Variants in MALRD1 observed in about 807,000 individuals in gnomAD.
The protein encoded by MALRD1 is MAM and LDL receptor class A domain containing 1.
In MALRD1, 247 loss-of-function variants were observed where a neutral mutation model predicts 242.1. That is an observed-to-expected ratio of 1.02 (90% CI 0.92 to 1.13). MALRD1 has a LOEUF of 1.13. MALRD1 is among the 50% of genes most tolerant of loss of function. The pLI is 0.00. For missense variants in MALRD1, 2,989 were observed against 2,533.1 expected (o/e 1.18, Z -3.86); for synonymous variants, 995 against 866.6 (o/e 1.15, Z -2.60).
rs188500759 is a variant in MALRD1 at position 19,266,121 on chromosome 10, C to T, written c.3079+8350C>T. 4.7e-5 allele frequency among the ~76,000 whole-genome samples: 7 copies of T among 149,354 alleles called. No individual in the cohort carries two copies. In the East Asian group the frequency reaches 1.2e-3, roughly 25 times the overall value. ...GTGTCCTCAAAGTGGAAGTGAGACT[C>T]TTGTATGCAGCACATTATTGGATAT... is the stretch of plus-strand genomic sequence containing the variant. On this transcript the variant is annotated intron_variant, in intron 19 of 39. Coordinates refer to ENST00000454679, the MANE Select transcript of MALRD1 (RefSeq NM_001142308.3).
intron 5 of MALRD1, 142 bp downstream of exon 5, chr10:19,104,217 A>G: frequency 2.2e-6 from 1 of 445,772 alleles, no homozygotes; most frequent in East Asian, 3.6e-5. Context: ...ACATTGTATA[A>G]CAGTGACTGG....
At chr10:19,140,111 T>G (rs2131422726) in intron 10 of MALRD1, among the ~76,000 whole-genome samples, 1 of 152,302 alleles carries the variant, frequency 6.6e-6, no homozygotes, top group Non-Finnish European at 1.5e-5. Context: ...TGTTAGAATC[T>G]AATATATTCT....
intron 34 of MALRD1, among the ~76,000 whole-genome samples, chr10:19,606,615 G>A (rs1838641097): frequency 6.6e-6 from 1 of 152,030 alleles, no homozygotes; most frequent in African/African-American, 2.4e-5. Context: ...CATTCCCTCT[G>A]CTCCACACAC....
chr10:19,655,381 G>A (rs1841093935), intron 36 of MALRD1, among the ~76,000 whole-genome samples: 1 of 151,588 alleles, frequency 6.6e-6, no homozygotes, highest in Admixed American at 6.6e-5. Context: ...TTCTCCATAT[G>A]ATTTGGCCCT....
At chr10:19,343,755 C>G (rs775596144) in intron 24 of MALRD1, among the ~76,000 whole-genome samples, 1 of 152,086 alleles carries the variant, frequency 6.6e-6, no homozygotes, top group Non-Finnish European at 1.5e-5. Flanking sequence ...TTTTCCAGAG[C>G]GATTGCATCG....
chr10:19,677,027 T>C (rs1842166309), intron 36 of MALRD1, among the ~76,000 whole-genome samples: 1 of 152,234 alleles, frequency 6.6e-6, no homozygotes, highest in African/African-American at 2.4e-5. Flanking sequence ...TAGTATCCCA[T>C]GGTGTATATG....
intron 19 of MALRD1, among the ~76,000 whole-genome samples, chr10:19,272,225 G>A (rs1167307485): frequency 1.3e-5 from 2 of 151,830 alleles, no homozygotes; most frequent in South Asian, 2.1e-4. Flanking sequence ...AAACTTTAAG[G>A]CATTAATCAT....
intron 36 of MALRD1, among the ~76,000 whole-genome samples, chr10:19,632,799 T>C (rs974410565): frequency 2.0e-5 from 3 of 152,126 alleles, no homozygotes; most frequent in Admixed American, 2.0e-4. Context: ...AGAAATATGC[T>C]GAAAAAATGT....
At chr10:19,280,802 C>T (rs1347903279) in intron 20 of MALRD1, among the ~76,000 whole-genome samples, 1 of 152,188 alleles carries the variant, frequency 6.6e-6, no homozygotes, top group African/African-American at 2.4e-5. Context: ...ATGGGCTTCT[C>T]AGCCAAAGAT....
intron 28 of MALRD1, among the ~76,000 whole-genome samples, chr10:19,396,832 T>G (rs1390558791): frequency 6.6e-6 from 1 of 152,228 alleles, no homozygotes; most frequent in Non-Finnish European, 1.5e-5. Flanking sequence ...TCAGCAGTTT[T>G]GTTTTTCTAA....
rs952067612 is a variant in MALRD1, at chr10:19,327,562, G to T, written c.3577-1G>T. On this transcript the variant is annotated splice_acceptor_variant, in intron 22 of 39. Coordinates refer to ENST00000454679, the MANE Select transcript of MALRD1 (RefSeq NM_001142308.3). LOFTEE classifies it high-confidence loss of function. ...GCCTTTTACTTGATTTATCTCTATA[G>T]GTGCTCATCAAGAAAGATAACGTTA... The T allele has an allele frequency of 4.5e-6, 7 of 1,547,202 alleles. No individual in the cohort carries two copies. In the African/African-American group the frequency reaches 6.9e-5, roughly 15 times the overall value.
intron 14 of MALRD1, among the ~76,000 whole-genome samples, chr10:19,187,698 C>G (rs1420076306): frequency 6.6e-6 from 1 of 152,040 alleles, no homozygotes; most frequent in Admixed American, 6.6e-5. Flanking sequence ...GAATCCTAAG[C>G]AAATTAACAG....
chr10:19,609,779 G>A (rs1379507081), intron 35 of MALRD1, among the ~76,000 whole-genome samples: 1 of 152,008 alleles, frequency 6.6e-6, no homozygotes, highest in Admixed American at 6.6e-5. Flanking sequence ...AACTGAAAGT[G>A]TTTTTCTAGT....
chr10:19,374,870 A>T (rs1845533835), intron 26 of MALRD1, among the ~76,000 whole-genome samples: 1 of 152,164 alleles, frequency 6.6e-6, no homozygotes, highest in East Asian at 1.9e-4. Flanking sequence ...ATCACACTAC[A>T]TTTTTCTGGG....
intron 26 of MALRD1, among the ~76,000 whole-genome samples, chr10:19,384,074 G>A (rs1271207956): frequency 6.6e-6 from 1 of 151,428 alleles, no homozygotes. Flanking sequence ...AGAGAGCATG[G>A]TGTGAGATGA....
chr10:19,456,945 C>T (rs1182427560), intron 29 of MALRD1, among the ~76,000 whole-genome samples: 3 of 151,570 alleles, frequency 2.0e-5, no homozygotes, highest in African/African-American at 7.3e-5. Context: ...GCTAAAAAAA[C>T]AAAACAAAAC....
chr10:19,070,681 G>A (rs1835117128), intron 2 of MALRD1, among the ~76,000 whole-genome samples: 1 of 151,852 alleles, frequency 6.6e-6, no homozygotes, highest in African/African-American at 2.4e-5. Context: ...ATTTTCCCGT[G>A]TATGATTATG....
intron 24 of MALRD1, among the ~76,000 whole-genome samples, chr10:19,332,907 G>A (rs1843445279): frequency 6.6e-6 from 1 of 152,070 alleles, no homozygotes; most frequent in Admixed American, 6.5e-5. Flanking sequence ...AAGTTCTCGG[G>A]TACATGTGCA....
intron 26 of MALRD1, among the ~76,000 whole-genome samples, chr10:19,366,862 A>G (rs1203291731): frequency 4.6e-5 from 7 of 152,134 alleles, no homozygotes; most frequent in African/African-American, 9.7e-5. Flanking sequence ...GGCAAATTTC[A>G]GTGTATGAAA....
Sources: gnomAD v4.1 joint callset for allele counts (sites outside exome capture counted in the v4.1 genomes callset) on GRCh38, gnomAD v4.1.1 for gene constraint, MANE v1.5 for transcripts, NCBI Gene and HGNC (gene_info 2026-07-23, HGNC 2026-07-21) for gene names.